The following SMARCA2 variants were observed in gnomAD, a reference collection of about 807,000 sequenced individuals.
SMARCA2 encodes the protein SWI/SNF related BAF chromatin remodeling complex subunit ATPase 2.
In SMARCA2, 61 loss-of-function variants were observed where a neutral mutation model predicts 199.8. That is an observed-to-expected ratio of 0.31 (90% CI 0.25 to 0.38). The LOEUF is 0.38. SMARCA2 is among the 10% of genes least tolerant of loss of function. The pLI, the probability that SMARCA2 is intolerant of heterozygous loss-of-function variation, is 1.00. For synonymous variants in SMARCA2, 935 were observed against 732.0 expected, an observed-to-expected ratio of 1.28 and a Z score of -4.48; for missense variants, 1,344 against 2,012.2, an observed-to-expected ratio of 0.67 and a Z score of 6.35.
At chr9:2,143,226 G>A (rs971233440) in intron 27 of SMARCA2, among the ~76,000 whole-genome samples, 1 of 152,148 alleles carries the variant, frequency 6.6e-6, no homozygotes, top group African/African-American at 2.4e-5. Context: ...GGAAGTATAC[G>A]AAGGCTTGGA....
intron 21 of SMARCA2, 136 bp from the exon 22 acceptor site, chr9:2,101,434 G>C (rs10757158): frequency 2.0e-6 from 1 of 492,042 alleles, no homozygotes; most frequent in Non-Finnish European, 3.7e-6. Flanking sequence ...TTCATTACGT[G>C]TGTAAGTTTT....
chr9:2,062,695 T>TAA (rs1223025574), intron 9 of SMARCA2, among the ~76,000 whole-genome samples: 1 of 152,156 alleles, frequency 6.6e-6, no homozygotes, highest in Non-Finnish European at 1.5e-5. Flanking sequence ...CAACATGTGT[T>TAA]AACTGAACAC....
intron 17 of SMARCA2, among the ~76,000 whole-genome samples, chr9:2,084,655 T>C (rs1439964401): frequency 6.6e-6 from 1 of 152,302 alleles, no homozygotes; most frequent in Middle Eastern, 3.4e-3. Flanking sequence ...GTCTCCACCA[T>C]ATGAACATTT....
intron 3 of SMARCA2, among the ~76,000 whole-genome samples, chr9:2,035,812 G>T (rs1371501508): frequency 6.6e-6 from 1 of 152,294 alleles, no homozygotes; most frequent in East Asian, 1.9e-4. Context: ...TGCATTGTAG[G>T]CTGAGGAATG....
At chr9:2,065,227 C>A (rs1256266676) in intron 9 of SMARCA2, among the ~76,000 whole-genome samples, 3 of 152,150 alleles carry the variant, frequency 2.0e-5, no homozygotes, top group Non-Finnish European at 4.4e-5. Context: ...GTTTCCAGAG[C>A]CGTTGACATC....
intron 23 of SMARCA2, among the ~76,000 whole-genome samples, chr9:2,108,454 C>T (rs756257206): frequency 3.9e-5 from 6 of 152,150 alleles, no homozygotes; most frequent in African/African-American, 1.2e-4. Context: ...TTCATTAATC[C>T]GTGTGATTAT....
intron 32 of SMARCA2, among the ~76,000 whole-genome samples, chr9:2,188,213 T>C (rs1173510571): frequency 6.6e-6 from 1 of 152,140 alleles, no homozygotes; most frequent in African/African-American, 2.4e-5. Context: ...TTAACATTCA[T>C]TAATGAATGT....
intron 29 of SMARCA2, among the ~76,000 whole-genome samples, chr9:2,176,954 T>C (rs75221549): frequency 0.024 from 3,665 of 152,278 alleles, 154 homozygotes; most frequent in African/African-American, 0.084. Flanking sequence ...TAGGTGATGA[T>C]ATTTCCAAAC....
chr9:2,054,822 A>G, intron 6 of SMARCA2, 99 bp downstream of exon 6: 2 of 1,137,378 alleles, frequency 1.8e-6, no homozygotes, highest in Non-Finnish European at 2.5e-6. Flanking sequence ...ATATTGTTAC[A>G]AAGATATAAA....
rs76439046 is a variant in SMARCA2 at position 2,106,492 on chromosome 9, G to A, written c.3292+2323G>A. Among the ~76,000 whole-genome samples the A allele has an allele frequency of 2.8e-4, 43 of 152,298 alleles. No homozygotes were observed. The East Asian group carries it at 4.4e-3, about 16-fold the overall frequency. On this transcript the variant is annotated intron_variant, in intron 23 of 33. Transcript: ENST00000349721. ...GATGGAATTGAAAAGGCATCTTTCC[G>A]TAAGAAACAGCAGCCGTTCCTTTTA... is the stretch of plus-strand genomic sequence containing the variant.
At chr9:2,149,961 T>C (rs1017751778) in intron 27 of SMARCA2, among the ~76,000 whole-genome samples, 2 of 151,472 alleles carry the variant, frequency 1.3e-5, no homozygotes, top group African/African-American at 2.4e-5. Flanking sequence ...CAAGTTGGCT[T>C]CTCAAATTTA....
In SMARCA2 at chr9:2,191,377, A is replaced by G; in HGVS notation, c.4706A>G (p.Asp1569Gly). ...NRGKAKPVVS[D>G]FDSDEEQDER... is the part of the protein sequence containing the mutation. ...GGAAAAGCCAAACCTGTAGTGAGCGATTTTGACAGCGATGAGGAGCAGGAT... is the reference window on the plus strand; with the variant it reads ...GGAAAAGCCAAACCTGTAGTGAGCGGTTTTGACAGCGATGAGGAGCAGGAT... Residue 1569 changes from aspartate (D) to glycine (G), a missense_variant, in exon 33 of 34, where the codon GAT (aspartate) becomes GGT (glycine). By Grantham distance (94) the Asp-to-Gly change is moderately conservative. This residue lies in a region of SMARCA2 where 155 missense variants were observed against 121.1 expected (regional missense o/e 1.28). Transcript: ENST00000349721. The G allele has an allele frequency of 6.2e-7, 1 of 1,614,216 alleles. No homozygotes were observed. The highest frequency in any genetic ancestry group is 8.5e-7 in the Non-Finnish European group (1 of 1,180,030).
intron 27 of SMARCA2, among the ~76,000 whole-genome samples, chr9:2,125,540 A>T (rs1416249376): frequency 7.0e-6 from 1 of 143,470 alleles, no homozygotes; most frequent in African/African-American, 2.7e-5. Context: ...CTGAGGCTAT[A>T]GTGCAATGGT....
intron 29 of SMARCA2, among the ~76,000 whole-genome samples, chr9:2,177,100 G>T (rs1164985430): frequency 6.6e-6 from 1 of 152,222 alleles, no homozygotes; most frequent in Admixed American, 6.5e-5. Context: ...GATAAGTAGG[G>T]GCACTAATGT....
intron 5 of SMARCA2, among the ~76,000 whole-genome samples, chr9:2,052,748 A>G (rs1048417287): frequency 1.3e-5 from 2 of 152,166 alleles, no homozygotes; most frequent in African/African-American, 4.8e-5. Context: ...TATTTGGGCT[A>G]TATGAAGTAT....
intron 5 of SMARCA2, among the ~76,000 whole-genome samples, chr9:2,050,521 G>C (rs7855343): frequency 0.35 from 53,387 of 151,884 alleles, 12,075 homozygotes; most frequent in African/African-American, 0.65. Context: ...GGAAGAACAT[G>C]TCTGAATTAT....
chr9:2,190,944 G>C (rs1445540540), intron 32 of SMARCA2, among the ~76,000 whole-genome samples: 1 of 152,132 alleles, frequency 6.6e-6, no homozygotes, highest in African/African-American at 2.4e-5. Flanking sequence ...ACCTCCACAA[G>C]TAGAAAACAC....
chr9:2,018,625 C>T (rs565302418), intron 1 of SMARCA2, among the ~76,000 whole-genome samples: 2 of 152,300 alleles, frequency 1.3e-5, no homozygotes, highest in East Asian at 1.9e-4. Context: ...AAATTTACAC[C>T]TGGTTGTGTG....
At chr9:2,034,456 T>C (rs540847491) in intron 3 of SMARCA2, among the ~76,000 whole-genome samples, 83 of 152,314 alleles carry the variant, frequency 5.4e-4, no homozygotes, top group African/African-American at 1.9e-3. Flanking sequence ...CTCAAAGCCT[T>C]TTAATACAAT....
Sources: gnomAD v4.1 joint callset for allele counts (sites outside exome capture counted in the v4.1 genomes callset) on GRCh38, gnomAD v4.1.1 for gene constraint, gnomAD v4.1.1 regional missense constraint, MANE v1.5 for transcripts, NCBI Gene and HGNC (gene_info 2026-07-23, HGNC 2026-07-21) for gene names.